VDR: variants seen among roughly 807,000 people sequenced by gnomAD.
VDR encodes the protein vitamin D receptor, also known as vitamin D3 receptor.
Under a neutral mutation model 39.7 loss-of-function variants are expected in VDR, and 19 were observed. The observed-to-expected ratio is 0.48, with a 90% CI of 0.33 to 0.70. VDR has a LOEUF of 0.70. VDR is among the 30% of genes least tolerant of loss of function. The pLI, the probability that VDR is intolerant of heterozygous loss-of-function variation, is 0.02. For synonymous variants in VDR, 242 were observed against 215.8 expected, an observed-to-expected ratio of 1.12 and a Z score of -1.07; for missense variants, 442 against 570.5, an observed-to-expected ratio of 0.77 and a Z score of 2.29.
chr12:47,875,914 CAT>C (rs1220792940), intron 3 of VDR, among the ~76,000 whole-genome samples: 1 of 152,222 alleles, frequency 6.6e-6, no homozygotes, highest in Non-Finnish European at 1.5e-5. Flanking sequence ...GTCTAACACA[CAT>C]AGTTTCCCTG....
At chr12:47,867,068 C>G (rs1381685837) in intron 3 of VDR, among the ~76,000 whole-genome samples, 1 of 151,148 alleles carries the variant, frequency 6.6e-6, no homozygotes, top group African/African-American at 2.4e-5. Context: ...AAGGTGGCAC[C>G]CTTGAGGCTG....
At chr12:47,878,021 G>A (rs991529246) in intron 3 of VDR, among the ~76,000 whole-genome samples, 2 of 152,160 alleles carry the variant, frequency 1.3e-5, no homozygotes, top group Non-Finnish European at 2.9e-5. Context: ...ACAAGCGCCT[G>A]GACTTGAATT....
At chr12:47,853,368 G>A (rs1418192129) in intron 7 of VDR, among the ~76,000 whole-genome samples, 21 of 151,262 alleles carry the variant, frequency 1.4e-4, no homozygotes, top group South Asian at 2.1e-4. Flanking sequence ...GCGTGAACCC[G>A]GGAGGCGGAG....
intron 2 of VDR, 65 bp downstream of exon 2, chr12:47,882,629 C>CAG: frequency 5.4e-6 from 2 of 373,216 alleles, no homozygotes; most frequent in Non-Finnish European, 9.9e-6. Context: ...TTATGCCCCT[C>CAG]CCCCCCACCC....
At chr12:47,879,994 A>G (rs1946111545) in intron 2 of VDR, among the ~76,000 whole-genome samples, 1 of 152,146 alleles carries the variant, frequency 6.6e-6, no homozygotes, top group South Asian at 2.1e-4. Context: ...TCATTAGCCA[A>G]AACTGGGCCC....
chr12:47,868,345 G>A (rs1945779091), intron 3 of VDR, among the ~76,000 whole-genome samples: 1 of 152,256 alleles, frequency 6.6e-6, no homozygotes, highest in Non-Finnish European at 1.5e-5. Flanking sequence ...AGGGTTGTCA[G>A]GAGGTGGAGC....
At chr12:47,861,296 A>G (rs1182579476) in intron 4 of VDR, among the ~76,000 whole-genome samples, 2 of 152,256 alleles carry the variant, frequency 1.3e-5, no homozygotes, top group Non-Finnish European at 2.9e-5. Flanking sequence ...AGAAAGTTCA[A>G]GTTTAACCCT....
chr12:47,860,364 C>T (rs1018593956), intron 4 of VDR, among the ~76,000 whole-genome samples: 1 of 152,174 alleles, frequency 6.6e-6, no homozygotes, highest in Non-Finnish European at 1.5e-5. Flanking sequence ...ATATCAAATG[C>T]ATCCACACAG....
At chr12:47,848,239 C>G (rs970877568) in intron 7 of VDR, among the ~76,000 whole-genome samples, 2 of 152,018 alleles carry the variant, frequency 1.3e-5, no homozygotes, top group Admixed American at 6.6e-5. Flanking sequence ...CTATGTGGCC[C>G]AGGCTGGTCT....
intron 4 of VDR, among the ~76,000 whole-genome samples, chr12:47,862,970 T>C (rs780276324): frequency 1.5e-4 from 23 of 151,672 alleles, no homozygotes; most frequent in Non-Finnish European, 2.8e-4. Flanking sequence ...ATGAGGAGGG[T>C]GGTGTGGCGA....
chr12:47,878,634 G>A (rs1404200826), intron 3 of VDR, among the ~76,000 whole-genome samples: 19 of 152,222 alleles, frequency 1.2e-4, no homozygotes, highest in Non-Finnish European at 2.9e-5. Context: ...TGAGGAAGCT[G>A]TGATCATCAA....
rs7966569 is a variant in VDR at position 47,855,850 on chromosome 12, A to G, written c.584-49T>C. On this transcript the variant is annotated intron_variant, in intron 6 of 9. Transcript: ENST00000549336. ...GGAGCTATTTAAGGATACTTGGACC[A>G]GGCCCCCTCCTGCCAGACCCTGCAA... 2.1e-3 allele frequency: 3,446 copies of G among 1,609,948 alleles called. 52 individuals are homozygous for G. The African/African-American group carries it at 0.041, about 19-fold the overall frequency.
intron 2 of VDR, 66 bp downstream of exon 2, chr12:47,882,628 T>TGCCCCCCCCCCCCCCCCCC: frequency 5.3e-6 from 1 of 187,188 alleles, no homozygotes; most frequent in Middle Eastern, 1.5e-3. Flanking sequence ...CTTATGCCCC[T>TGCCCCCCCCCCCCCCCCCC]CCCCCCCACC....
Position 47,865,791 on chromosome 12 carries a change from C to T in VDR, c.147-614G>A, listed in dbSNP as rs1018081054. Among the ~76,000 whole-genome samples, 12 of 148,782 alleles carry T rather than the reference C, an allele frequency of 8.1e-5. No homozygotes were observed. In the South Asian group the frequency reaches 8.5e-4, roughly 11 times the overall value. On this transcript the variant is annotated intron_variant, in intron 3 of 9. Coordinates refer to ENST00000549336, the MANE Select transcript of VDR (RefSeq NM_000376.3). ...GTGCAGTGGCTCACTCAGCTCACTG[C>T]AAGCTCCACCTCCCGGGTTCACACC...
At chr12:47,892,876 C>A (rs1367258064) in intron 1 of VDR, among the ~76,000 whole-genome samples, 4 of 152,214 alleles carry the variant, frequency 2.6e-5, no homozygotes, top group Non-Finnish European at 4.4e-5. Flanking sequence ...CCCCTCTCAA[C>A]CTCTCCACGG....
intron 1 of VDR, among the ~76,000 whole-genome samples, chr12:47,893,765 G>A (rs1946413874): frequency 2.0e-5 from 3 of 152,198 alleles, no homozygotes; most frequent in African/African-American, 7.2e-5. Context: ...AGGGCATCAG[G>A]CAAAATACAC....
chr12:47,895,252 G>A (rs1369558923), intron 1 of VDR, among the ~76,000 whole-genome samples: 1 of 152,214 alleles, frequency 6.6e-6, no homozygotes, highest in Admixed American at 6.5e-5. Flanking sequence ...CCATTCATTC[G>A]TTGTCTACCA....
intron 1 of VDR, among the ~76,000 whole-genome samples, chr12:47,903,216 A>G (rs1430814407): frequency 6.6e-6 from 1 of 152,138 alleles, no homozygotes; most frequent in Non-Finnish European, 1.5e-5. Flanking sequence ...GCTGATCAAG[A>G]CCAGCCAAAC....
chr12:47,876,737 C>T (rs1039275233), intron 3 of VDR, among the ~76,000 whole-genome samples: 4 of 152,230 alleles, frequency 2.6e-5, no homozygotes, highest in Admixed American at 6.5e-5. Flanking sequence ...CAGGACCTGT[C>T]CTCTCTCCAC....
Sources: gnomAD v4.1 joint callset for allele counts (sites outside exome capture counted in the v4.1 genomes callset) on GRCh38, gnomAD v4.1.1 for gene constraint, MANE v1.5 for transcripts, NCBI Gene and HGNC (gene_info 2026-07-23, HGNC 2026-07-21) for gene names.